The following APBA1 variants were observed in gnomAD, a reference collection of about 807,000 sequenced individuals.
The protein encoded by APBA1 is amyloid beta precursor protein binding family A member 1, also known as amyloid-beta A4 precursor protein-binding family A member 1.
In APBA1, 55 loss-of-function variants were observed where a neutral mutation model predicts 86.6. The observed-to-expected ratio is 0.64, with a 90% confidence interval of 0.51 to 0.80. The LOEUF (loss-of-function observed/expected upper bound fraction) is 0.80. APBA1 is among the 30% of genes least tolerant of loss of function. APBA1 has a pLI of 0.00. For missense variants in APBA1, 1,090 were observed against 1,183.0 expected (o/e 0.92, Z 1.15); for synonymous variants, 511 against 493.9 (o/e 1.03, Z -0.46).
intron 1 of APBA1, among the ~76,000 whole-genome samples, chr9:69,522,091 A>G (rs1433243392): frequency 6.6e-6 from 1 of 151,890 alleles, no homozygotes; most frequent in Admixed American, 6.6e-5. Context: ...ACACACATAT[A>G]TAAATTATAT....
chr9:69,451,438 G>C (rs2133808589), intron 9 of APBA1, among the ~76,000 whole-genome samples: 1 of 152,278 alleles, frequency 6.6e-6, no homozygotes, highest in East Asian at 1.9e-4. Flanking sequence ...CCCTCAGCTG[G>C]ACTTGCAGGC....
chr9:69,482,365 T>C (rs1331939845), intron 2 of APBA1, among the ~76,000 whole-genome samples: 1 of 151,662 alleles, frequency 6.6e-6, no homozygotes, highest in East Asian at 1.9e-4. Context: ...AAAAAACACA[T>C]GAAAAAATGC....
intron 1 of APBA1, among the ~76,000 whole-genome samples, chr9:69,561,630 A>ATT (rs202003478): frequency 2.1e-5 from 3 of 142,882 alleles, no homozygotes. Context: ...TATCTACAGG[A>ATT]TTTTTTTTTT....
At chr9:69,583,389 G>C (rs2133958468) in intron 1 of APBA1, among the ~76,000 whole-genome samples, 1 of 152,188 alleles carries the variant, frequency 6.6e-6, no homozygotes, top group East Asian at 1.9e-4. Context: ...TCCCTATTGA[G>C]GTTAATAGGG....
intron 2 of APBA1, among the ~76,000 whole-genome samples, chr9:69,502,680 C>G (rs1035755568): frequency 2.0e-5 from 3 of 151,910 alleles, no homozygotes; most frequent in Admixed American, 6.6e-5. Flanking sequence ...TTAAATGCAC[C>G]CTGGTAAAAG....
intron 5 of APBA1, among the ~76,000 whole-genome samples, chr9:69,458,804 TTTTC>T (rs1235978178): frequency 1.3e-5 from 2 of 149,748 alleles, no homozygotes; most frequent in African/African-American, 2.5e-5. Flanking sequence ...TTATCTTTTC[TTTTC>T]TTTTTTTTTT....
intron 2 of APBA1, among the ~76,000 whole-genome samples, chr9:69,499,705 C>T (rs1009771883): frequency 1.3e-5 from 2 of 150,664 alleles, no homozygotes; most frequent in African/African-American, 4.9e-5. Context: ...ATGCTGAATT[C>T]AGGGCAGGGA....
At chr9:69,468,853 C>A (rs530143905) in intron 4 of APBA1, among the ~76,000 whole-genome samples, 1 of 147,568 alleles carries the variant, frequency 6.8e-6, no homozygotes, top group African/African-American at 2.6e-5. Flanking sequence ...TTGAAACATA[C>A]GTATTTTATT....
At chr9:69,444,355 C>T (rs1239114813) in intron 10 of APBA1, among the ~76,000 whole-genome samples, 3 of 152,192 alleles carry the variant, frequency 2.0e-5, no homozygotes, top group South Asian at 2.1e-4. Flanking sequence ...TCGTCCCCAT[C>T]GACAAAGGGA....
At chr9:69,601,382 A>G (rs1024951799) in intron 1 of APBA1, among the ~76,000 whole-genome samples, 9 of 152,212 alleles carry the variant, frequency 5.9e-5, no homozygotes, top group Non-Finnish European at 8.8e-5. Flanking sequence ...AAATATAGGA[A>G]GATATATTTT....
intron 9 of APBA1, among the ~76,000 whole-genome samples, chr9:69,451,258 C>T (rs988685788): frequency 6.6e-6 from 1 of 152,226 alleles, no homozygotes; most frequent in African/African-American, 2.4e-5. Context: ...ACCAAGCTTC[C>T]CACATCCCTT....
At chr9:69,514,896 G>C (rs1836110115) in intron 2 of APBA1, among the ~76,000 whole-genome samples, 1 of 152,182 alleles carries the variant, frequency 6.6e-6, no homozygotes, top group Admixed American at 6.5e-5. Flanking sequence ...GACAGAGCAA[G>C]ACTCCGTCAC....
chr9:69,432,736 C>G (rs747900913), intron 11 of APBA1, 60 bp from the exon 12 acceptor site: 2 of 1,396,472 alleles, frequency 1.4e-6, no homozygotes, highest in African/African-American at 1.5e-5. Flanking sequence ...GCTGGAAGGC[C>G]GTCTTTCCTG....
At chr9:69,530,306 G>GTGTA (rs1160941965) in intron 1 of APBA1, among the ~76,000 whole-genome samples, 1 of 116,126 alleles carries the variant, frequency 8.6e-6, no homozygotes, top group African/African-American at 3.9e-5. Context: ...TTGTGTGTGT[G>GTGTA]TATATATATA....
intron 1 of APBA1, among the ~76,000 whole-genome samples, chr9:69,652,328 T>C (rs574719778): frequency 2.0e-5 from 3 of 152,144 alleles, no homozygotes; most frequent in African/African-American, 7.2e-5. Flanking sequence ...TATCTGACTC[T>C]CGCTGGGAGA....
At chr9:69,514,706 C>T (rs771414286) in intron 2 of APBA1, among the ~76,000 whole-genome samples, 33 of 152,056 alleles carry the variant, frequency 2.2e-4, no homozygotes, top group African/African-American at 7.0e-4. Context: ...GCCAGCGGTT[C>T]GAGACCAGCC....
chr9:69,482,276 G>GA (rs147173175), intron 2 of APBA1, among the ~76,000 whole-genome samples: 121,194 of 151,552 alleles, frequency 0.8, 48,654 homozygotes, highest in Admixed American at 0.85. Flanking sequence ...AAATTTACAA[G>GA]AAAAAAACAA....
Position 69,456,389 on chromosome 9 carries a change from G to A in APBA1, c.1646C>T (p.Ala549Val). Reference protein sequence around the residue: ...DHPLRTISYIADIGNIVVLMA... With the variant: ...DHPLRTISYIVDIGNIVVLMA... Reference sequence around the variant, plus strand: ...CAGCACAACGATGTTCCCAATGTCCGCAATGTAGGAAATGGTCCTCAGAGG... The same window carrying A: ...CAGCACAACGATGTTCCCAATGTCCACAATGTAGGAAATGGTCCTCAGAGG... The change falls in exon 8 of 13, where the codon GCG becomes GTG. Residue 549 changes from alanine (A) to valine (V), a missense_variant. By Grantham distance (64) the Ala-to-Val change is moderately conservative. Around this residue, in one of 6 missense-constraint regions of APBA1, gnomAD observed 103 missense variants for 91.9 expected, o/e 1.12. Coordinates refer to ENST00000265381, the MANE Select transcript of APBA1 (RefSeq NM_001163.4). The A allele has an allele frequency of 3.7e-6, 6 of 1,612,046 alleles. No individual in the cohort carries two copies. The highest frequency in any genetic ancestry group is 5.1e-6 in the Non-Finnish European group (6 of 1,178,908).
At position 69,441,085 on chromosome 9, in the gene APBA1, T is replaced by C. The variant is rs748133420; in HGVS notation, c.2212A>G (p.Asn738Asp). 5 of 1,614,122 alleles carry C rather than the reference T, an allele frequency of 3.1e-6. No individual in the cohort carries two copies. Among genetic ancestry groups the C allele is most frequent in the Non-Finnish European group, 3.4e-6 (4 of 1,180,034 alleles). Residue 738 changes from asparagine (N) to aspartate (D), a missense_variant, in exon 11 of 13, where the codon AAT (asparagine) becomes GAT (aspartate). By Grantham distance (23) the Asn-to-Asp change is conservative (BLOSUM62 1). Coordinates refer to ENST00000265381, the MANE Select transcript of APBA1 (RefSeq NM_001163.4). The part of the protein sequence containing the change: ...GLKNQSRVKL[N>D]IVRCPPVTTV... ...GTCACCGGAGGACATCTCACGATAT[T>C]CAGCTTGACTCGGGACTGATTCTTT...
Sources: allele counts gnomAD v4.1 joint callset (sites outside exome capture counted in the v4.1 genomes callset), GRCh38; gene constraint gnomAD v4.1.1; regional missense constraint gnomAD v4.1.1; transcripts MANE v1.5; gene names NCBI Gene and HGNC (gene_info 2026-07-23, HGNC 2026-07-21).